The following NUBPL variants were observed in gnomAD, a reference collection of about 807,000 sequenced individuals.
NUBPL encodes NUBP iron-sulfur cluster assembly factor, mitochondrial, also known as iron-sulfur cluster transfer protein NUBPL.
NUBPL carries 31 observed loss-of-function variants against 45.7 expected under a neutral mutation model. The observed-to-expected ratio is 0.68, with a 90% confidence interval of 0.51 to 0.92. The LOEUF (loss-of-function observed/expected upper bound fraction) is 0.92. Among genes scored for constraint, NUBPL ranks in the 40% least tolerant of loss-of-function variants. The probability of loss-of-function intolerance (pLI) is 0.00; values close to 1 mark genes in which losing one functional copy is unlikely to be tolerated. For synonymous variants in NUBPL, 144 were observed against 140.9 expected, an observed-to-expected ratio of 1.02 and a Z score of -0.15; for missense variants, 401 against 398.7, an observed-to-expected ratio of 1.01 and a Z score of -0.05.
chr14:31,623,648 A>C (rs2035128445), intron 4 of NUBPL, among the ~76,000 whole-genome samples: 1 of 152,114 alleles, frequency 6.6e-6, no homozygotes, highest in East Asian at 1.9e-4. Context: ...CTATGATTGT[A>C]AGTTTCCTGA....
At chr14:31,577,943 A>AT (rs2033759325) in intron 3 of NUBPL, 1 of 1,288,496 alleles carries the variant, frequency 7.8e-7, no homozygotes, top group African/African-American at 1.5e-5. Context: ...CATTAGAGTG[A>AT]CCATGACTTT....
chr14:31,743,427 T>C (rs980445462), intron 6 of NUBPL, among the ~76,000 whole-genome samples: 3 of 152,208 alleles, frequency 2.0e-5, no homozygotes, highest in African/African-American at 7.2e-5. Context: ...TCGCCCATGC[T>C]GGAGTGCAGT....
chr14:31,707,506 T>G (rs538748936), intron 6 of NUBPL, among the ~76,000 whole-genome samples: 1 of 152,244 alleles, frequency 6.6e-6, no homozygotes, highest in African/African-American at 2.4e-5. Flanking sequence ...TTTGTCTCTC[T>G]GGTTCTCTCC....
intron 4 of NUBPL, among the ~76,000 whole-genome samples, chr14:31,659,929 T>A (rs1250037092): frequency 2.0e-5 from 3 of 152,192 alleles, no homozygotes; most frequent in Non-Finnish European, 4.4e-5. Context: ...TATGCCTGAA[T>A]GGCTTTCAGC....
At chr14:31,727,860 T>C (rs2037960033) in intron 6 of NUBPL, among the ~76,000 whole-genome samples, 2 of 152,242 alleles carry the variant, frequency 1.3e-5, no homozygotes, top group African/African-American at 4.8e-5. Context: ...CATATTTTAC[T>C]AAACTATTCA....
At chr14:31,789,209 C>A (rs1336669910) in intron 7 of NUBPL, among the ~76,000 whole-genome samples, 12 of 151,930 alleles carry the variant, frequency 7.9e-5, no homozygotes, top group African/African-American at 2.9e-4. Context: ...ACCTGTAGTC[C>A]CAGCTACTCG....
intron 6 of NUBPL, among the ~76,000 whole-genome samples, chr14:31,698,430 TC>T (rs2037261254): frequency 6.6e-6 from 1 of 152,048 alleles, no homozygotes; most frequent in South Asian, 2.1e-4. Context: ...TTTAGTAACA[TC>T]CTCTTTTATG....
chr14:31,778,209 C>G (rs925856962), intron 6 of NUBPL, among the ~76,000 whole-genome samples: 1 of 152,176 alleles, frequency 6.6e-6, no homozygotes, highest in African/African-American at 2.4e-5. Context: ...CTGGTGAGGA[C>G]AACTCAAGTA....
chr14:31,743,291 G>A (rs976060140), intron 6 of NUBPL, among the ~76,000 whole-genome samples: 5 of 152,096 alleles, frequency 3.3e-5, no homozygotes, highest in Non-Finnish European at 7.4e-5. Flanking sequence ...CTAGGTTGCT[G>A]AATATATCTA....
intron 7 of NUBPL, among the ~76,000 whole-genome samples, chr14:31,824,097 G>T (rs1159146374): frequency 3.3e-5 from 5 of 152,048 alleles, no homozygotes; most frequent in Non-Finnish European, 7.4e-5. Flanking sequence ...ATGTAATAAT[G>T]ATATTAACAG....
intron 10 of NUBPL, among the ~76,000 whole-genome samples, chr14:31,851,938 T>G (rs185568463): frequency 1.3e-5 from 2 of 152,306 alleles, no homozygotes; most frequent in East Asian, 3.9e-4. Flanking sequence ...AACATTTCAT[T>G]GAAGTTAGAG....
At chr14:31,848,729 A>C (rs961273819) in intron 9 of NUBPL, among the ~76,000 whole-genome samples, 4 of 152,206 alleles carry the variant, frequency 2.6e-5, no homozygotes, top group African/African-American at 7.2e-5. Context: ...ATTTTTAACA[A>C]GATTTTTCCC....
chr14:31,663,002 G>A (rs966712284), intron 4 of NUBPL, among the ~76,000 whole-genome samples: 20 of 152,156 alleles, frequency 1.3e-4, no homozygotes, highest in Admixed American at 4.6e-4. Flanking sequence ...GTGATGATGA[G>A]CATTTTTTCA....
intron 3 of NUBPL, among the ~76,000 whole-genome samples, chr14:31,571,983 T>C (rs1049056555): frequency 6.6e-6 from 1 of 152,148 alleles, no homozygotes; most frequent in Non-Finnish European, 1.5e-5. Flanking sequence ...ACTATTGTGA[T>C]CCCCACTGTA....
At chr14:31,799,981 G>A (rs944634505) in intron 7 of NUBPL, among the ~76,000 whole-genome samples, 9 of 152,182 alleles carry the variant, frequency 5.9e-5, no homozygotes, top group Non-Finnish European at 8.8e-5. Flanking sequence ...CTAAGTGTGT[G>A]TAATATTCTA....
At chr14:31,779,395 ATG>A (rs935643635) in intron 6 of NUBPL, among the ~76,000 whole-genome samples, 1 of 152,100 alleles carries the variant, frequency 6.6e-6, no homozygotes, top group Non-Finnish European at 1.5e-5. Context: ...CTGGCTTATG[ATG>A]TGACTTGAAG....
intron 4 of NUBPL, among the ~76,000 whole-genome samples, chr14:31,672,468 T>C (rs1190114997): frequency 2.0e-5 from 3 of 152,170 alleles, no homozygotes; most frequent in Non-Finnish European, 4.4e-5. Context: ...TTATTGAGGT[T>C]ATTTATTTTT....
intron 7 of NUBPL, among the ~76,000 whole-genome samples, chr14:31,806,292 TCTC>T (rs1432593850): frequency 2.0e-5 from 3 of 152,162 alleles, no homozygotes; most frequent in Non-Finnish European, 4.4e-5. Context: ...GAGCAGCAGT[TCTC>T]CTCTCTGGAG....
intron 6 of NUBPL, among the ~76,000 whole-genome samples, chr14:31,691,931 C>T (rs978552142): frequency 6.6e-6 from 1 of 152,120 alleles, no homozygotes; most frequent in African/African-American, 2.4e-5. Flanking sequence ...GTCCTTCTAA[C>T]CTCATCTGCT....
Sources: gnomAD v4.1 joint callset for allele counts (sites outside exome capture counted in the v4.1 genomes callset) on GRCh38, gnomAD v4.1.1 for gene constraint, MANE v1.5 for transcripts, NCBI Gene and HGNC (gene_info 2026-07-23, HGNC 2026-07-21) for gene names.